Variants in RUVBL1 observed in about 807,000 individuals in gnomAD.
RUVBL1 encodes the protein ruvB-like 1.
RUVBL1 carries 4 observed loss-of-function variants against 52.4 expected under a neutral mutation model. The observed-to-expected ratio is 0.08, with a 90% confidence interval of 0.04 to 0.17. The LOEUF is 0.17. Ranked by LOEUF, RUVBL1 falls within the 10% of genes least tolerant of loss-of-function variation. The pLI is 1.00. For synonymous variants in RUVBL1, 217 were observed against 214.4 expected (o/e 1.01, Z -0.10); for missense variants, 298 against 572.8 (o/e 0.52, Z 4.90).
At chr3:128,083,398 G>C (rs1011232811) in intron 9 of RUVBL1, 12 of 152,208 alleles carry the variant, frequency 7.9e-5, no homozygotes, top group African/African-American at 2.9e-4. Flanking sequence ...CCAGTGTAGA[G>C]GCACAGGAGC....
At chr3:128,077,582 G>A (rs1394521720), downstream of RUVBL1, among the ~76,000 whole-genome samples, 3 of 152,220 alleles carry the variant, frequency 2.0e-5, no homozygotes, top group East Asian at 5.8e-4. Flanking sequence ...CCCTCTGGCT[G>A]CCTCAGCCCT....
chr3:128,090,513 C>T (rs1352142305), intron 8 of RUVBL1, among the ~76,000 whole-genome samples: 5 of 151,830 alleles, frequency 3.3e-5, no homozygotes, highest in African/African-American at 7.3e-5. Context: ...AGTGAGACTC[C>T]GTCTCAAAAC....
At position 128,064,900 on chromosome 3, in the gene RUVBL1, A is replaced by G. The variant is rs1319321989; in HGVS notation, c.*312T>C. ...AGGAATGGAATTTGAAGGTGCTATC[A>G]TCGCACTTTTCCATCTGCTGGCCAC... is the stretch of plus-strand genomic sequence containing the variant. On this transcript the variant is annotated 3_prime_UTR_variant, in exon 10 of 10. Coordinates refer to the RUVBL1 transcript ENST00000464873. The G allele has an allele frequency of 5.0e-6, 8 of 1,611,072 alleles. No homozygotes were observed. The African/African-American group carries it at 6.7e-5, about 13-fold the overall frequency.
At position 128,129,093 on chromosome 3, in the gene RUVBL1, C is replaced by T. The variant is rs146867629; in HGVS notation, c.-39-9679G>A. Reference sequence around the variant, plus strand: ...TTGCCAAGTGCCCCCCTTTCCCTTCCCAGGCTTCAGCCCAGTGCAATGTAG... The same window carrying T: ...TTGCCAAGTGCCCCCCTTTCCCTTCTCAGGCTTCAGCCCAGTGCAATGTAG... On this transcript the variant is annotated intron_variant, in intron 1 of 9. Transcript: ENST00000464873. Among the ~76,000 whole-genome samples, 511 of 152,294 alleles carry T rather than the reference C, an allele frequency of 3.4e-3. 1 individual carries two copies. Among genetic ancestry groups the T allele is most frequent in the African/African-American group, 0.011 (473 of 41,552 alleles).
chr3:128,134,694 G>T (rs1330016795), intron 1 of RUVBL1, among the ~76,000 whole-genome samples: 1 of 151,530 alleles, frequency 6.6e-6, no homozygotes, highest in Non-Finnish European at 1.5e-5. Context: ...CCAGCTACTT[G>T]GGAGGCTGAA....
At chr3:128,142,241 C>G (rs1203288650) in intron 1 of RUVBL1, among the ~76,000 whole-genome samples, 2 of 152,180 alleles carry the variant, frequency 1.3e-5, no homozygotes, top group African/African-American at 2.4e-5. Flanking sequence ...TGGGTCCTGT[C>G]TGGAGCACAT....
intron 9 of RUVBL1, among the ~76,000 whole-genome samples, chr3:128,069,080 T>G (rs1303083247): frequency 6.6e-6 from 1 of 152,216 alleles, no homozygotes; most frequent in Non-Finnish European, 1.5e-5. Context: ...TTTTTAAAAT[T>G]TCTAGAAGTC....
chr3:128,097,208 T>C (rs1279863290), intron 8 of RUVBL1, 92 bp downstream of exon 8: 1 of 1,266,784 alleles, frequency 7.9e-7, no homozygotes, highest in African/African-American at 1.5e-5. Context: ...CTCATCCCTG[T>C]CCCACCTCAT....
chr3:128,077,871 CT>C (rs1227234689), downstream of RUVBL1, among the ~76,000 whole-genome samples: 5 of 152,218 alleles, frequency 3.3e-5, no homozygotes, highest in Admixed American at 3.3e-4. Flanking sequence ...ATCAGGAACT[CT>C]TTACTGCCTC....
chr3:128,152,158 G>C (rs1173789126), intron 1 of RUVBL1, among the ~76,000 whole-genome samples: 1 of 152,168 alleles, frequency 6.6e-6, no homozygotes, highest in Non-Finnish European at 1.5e-5. Flanking sequence ...CCTCTGGTTG[G>C]TGACTATGGC....
intron 8 of RUVBL1, among the ~76,000 whole-genome samples, chr3:128,096,894 C>T (rs1005737488): frequency 2.6e-5 from 4 of 152,058 alleles, no homozygotes; most frequent in Admixed American, 6.5e-5. Flanking sequence ...CCTGTCTTTA[C>T]GATGAGGGAC....
intron 3 of RUVBL1, among the ~76,000 whole-genome samples, chr3:128,107,379 AACTAG>A (rs1477027899): frequency 2.8e-4 from 43 of 152,388 alleles, no homozygotes; most frequent in Non-Finnish European, 4.4e-4. Context: ...TGGAGACATA[AACTAG>A]TTCTGATGGC....
upstream of RUVBL1, among the ~76,000 whole-genome samples, chr3:128,125,296 T>G (rs1458373873): frequency 6.6e-6 from 1 of 152,174 alleles, no homozygotes; most frequent in Admixed American, 6.5e-5. Context: ...ATTACAAGCG[T>G]GAGCCACCGC....
intron 7 of RUVBL1, 131 bp from the exon 8 acceptor site, chr3:128,097,629 G>A: frequency 1.3e-6 from 1 of 742,388 alleles, no homozygotes; most frequent in Non-Finnish European, 2.3e-6. Context: ...TGTGATCCCA[G>A]ACAGGGTGTG....
chr3:128,066,732 A>G, intron 9 of RUVBL1: 1 of 571,720 alleles, frequency 1.7e-6, no homozygotes, highest in South Asian at 2.3e-5. Context: ...CCTTCAGTGT[A>G]TTTTTAAACC....
intron 2 of RUVBL1, among the ~76,000 whole-genome samples, chr3:128,116,756 A>C (rs1943531809): frequency 6.6e-6 from 1 of 152,206 alleles, no homozygotes; most frequent in African/African-American, 2.4e-5. Context: ...ATGAGCTGCC[A>C]GGCTCCCTCA....
chr3:128,147,417 T>C (rs1944121849), intron 1 of RUVBL1, among the ~76,000 whole-genome samples: 1 of 152,102 alleles, frequency 6.6e-6, no homozygotes, highest in Non-Finnish European at 1.5e-5. Context: ...GGTAACATAA[T>C]GAGACTCCAT....
chr3:128,116,964 G>A (rs537355595), intron 2 of RUVBL1, among the ~76,000 whole-genome samples: 2 of 152,256 alleles, frequency 1.3e-5, no homozygotes, highest in East Asian at 1.9e-4. Flanking sequence ...ATGGCACCGT[G>A]GTCATGTAGG....
Position 128,120,188 on chromosome 3 carries a change from T to C in RUVBL1, c.142-774A>G, listed in dbSNP as rs1032505710. Reference sequence around the variant, plus strand: ...TGTTTATGTTCATATATACATTTTTTCCAGAGAAAGGATCCATAGCTTTCA... The same window carrying C: ...TGTTTATGTTCATATATACATTTTTCCCAGAGAAAGGATCCATAGCTTTCA... On this transcript the variant is annotated intron_variant, in intron 1 of 10. Transcript: ENST00000322623. Among the ~76,000 whole-genome samples the C allele has an allele frequency of 3.3e-5, 5 of 152,144 alleles. No homozygotes were observed. In the East Asian group the frequency reaches 9.6e-4, roughly 29 times the overall value.
Sources: allele counts gnomAD v4.1 joint callset (sites outside exome capture counted in the v4.1 genomes callset), GRCh38; gene constraint gnomAD v4.1.1; transcripts MANE v1.5; gene names NCBI Gene and HGNC (gene_info 2026-07-23, HGNC 2026-07-21).